The following TTLL7 variants were observed in gnomAD, a reference collection of about 807,000 sequenced individuals.
TTLL7 encodes tubulin polyglutamylase TTLL7.
Under a neutral mutation model 120.2 loss-of-function variants are expected in TTLL7, and 53 were observed. The observed-to-expected ratio is 0.44, with a 90% CI of 0.35 to 0.55. The LOEUF is 0.55. TTLL7 is among the 20% of genes least tolerant of loss of function. The pLI, the probability that TTLL7 is intolerant of heterozygous loss-of-function variation, is 0.00. For missense variants in TTLL7, 803 were observed against 1,054.7 expected (o/e 0.76, Z 3.31); for synonymous variants, 353 against 351.7 (o/e 1.00, Z -0.04).
At chr1:83,972,696 G>T (rs1451138615) in intron 1 of TTLL7, among the ~76,000 whole-genome samples, 19 of 152,092 alleles carry the variant, frequency 1.2e-4, no homozygotes, top group Non-Finnish European at 2.4e-4. Flanking sequence ...TGCCAGCAAT[G>T]AATGAGAGCT....
At chr1:83,987,214 A>G (rs1652547604) in intron 1 of TTLL7, among the ~76,000 whole-genome samples, 1 of 151,980 alleles carries the variant, frequency 6.6e-6, no homozygotes, top group Non-Finnish European at 1.5e-5. Flanking sequence ...TTACATAATT[A>G]AAATTATAAT....
chr1:83,933,605 T>C lies in TTLL7; in HGVS notation c.1047+3A>G, dbSNP rs374032449. On this transcript the variant is annotated splice_donor_region_variant and intron_variant, in intron 9 of 20. Transcript: ENST00000260505. ...TCTTCTTTTTTCTTAAAGAATGCCT[T>C]ACCTCCAGAAGCCATGGCTTTAGTT... 1 of 1,609,198 alleles carries C rather than the reference T, an allele frequency of 6.2e-7. No individual in the cohort carries two copies. The highest frequency in any genetic ancestry group is 8.5e-7 in the Non-Finnish European group (1 of 1,178,472).
chr1:83,973,790 G>C (rs1224745508), intron 1 of TTLL7, among the ~76,000 whole-genome samples: 1 of 151,934 alleles, frequency 6.6e-6, no homozygotes, highest in Non-Finnish European at 1.5e-5. Flanking sequence ...TATTCTGTAT[G>C]ACTTCATTTA....
intron 18 of TTLL7, among the ~76,000 whole-genome samples, chr1:83,893,477 T>C (rs1331118715): frequency 6.6e-6 from 1 of 152,020 alleles, no homozygotes; most frequent in African/African-American, 2.4e-5. Context: ...TCTATAATTA[T>C]GGCAACTGCC....
In TTLL7 at chr1:83,942,727, G is replaced by A. The variant is rs993001837; in HGVS notation, c.507-48C>T. 3 of 1,415,710 alleles carry A rather than the reference G, an allele frequency of 2.1e-6. No homozygotes were observed. In the Admixed American group the frequency reaches 6.2e-5, roughly 29 times the overall value. The allele number at this position is 1,415,710 out of a possible 1,614,324, so 87.7% of individuals were successfully genotyped here. A position where few individuals can be genotyped will look rare whatever the true frequency, so the allele number is the denominator to read the frequency against. On this transcript the variant is annotated intron_variant, in intron 6 of 20. Coordinates refer to ENST00000260505, the MANE Select transcript of TTLL7 (RefSeq NM_024686.6). ...AAAGAATGATTTGACATAGAGCAAG[G>A]TGTTTAAAAAGTTATAGATATACTC... is the stretch of plus-strand genomic sequence containing the variant.
chr1:83,871,274 G>A (rs1487282083), intron 20 of TTLL7, among the ~76,000 whole-genome samples: 1 of 152,022 alleles, frequency 6.6e-6, no homozygotes, highest in Non-Finnish European at 1.5e-5. Flanking sequence ...ACTTTTCAAA[G>A]CTTTGGAAAT....
intron 18 of TTLL7, 104 bp downstream of exon 18, chr1:83,903,975 G>T (rs959628203): frequency 1.1e-5 from 9 of 853,674 alleles, no homozygotes; most frequent in Non-Finnish European, 1.7e-5. Context: ...GAAGAAATGA[G>T]TAAACAAATG....
Position 83,929,160 on chromosome 1 carries a change from T to C in TTLL7, c.1118A>G (p.Asn373Ser). 6.2e-7 allele frequency: 1 copy of C among 1,612,338 alleles called. No individual in the cohort carries two copies. Among genetic ancestry groups the C allele is most frequent in the East Asian group, 2.2e-5 (1 of 44,794 alleles). Residue 373 changes from asparagine (N) to serine (S), a missense_variant, in exon 10 of 21, where the codon AAT becomes AGT. Transcript: ENST00000260505. ...DYDVKRGVLL[N>S]ALKLLNIRTS... ...CCTTATGTTTAGTAGCTTCAACGCA[T>C]TTAGCAGCACTCCCCTTTTTACATC... is the stretch of plus-strand genomic sequence containing the variant.
intron 1 of TTLL7, chr1:83,980,621 C>A (rs1019998027): frequency 2.6e-5 from 4 of 151,954 alleles, no homozygotes; most frequent in African/African-American, 9.7e-5. Context: ...ACCAGATGTC[C>A]CATGAAAGAA....
rs1202095725 is a variant in TTLL7, at chr1:83,897,130, G to A, written c.2209-6649C>T. Among the ~76,000 whole-genome samples the A allele has an allele frequency of 5.9e-5, 9 of 152,038 alleles. No individual in the cohort carries two copies. In the East Asian group the frequency reaches 9.7e-4, roughly 16 times the overall value. ...TTTAATTTCCAAGAACAGAAAAAAG[G>A]AAAGCATGTGAAAGACTCTGTGTGT... On this transcript the variant is annotated intron_variant, in intron 18 of 20. Transcript: ENST00000260505.
At chr1:83,874,834 G>A (rs962542977) in intron 20 of TTLL7, among the ~76,000 whole-genome samples, 1 of 151,858 alleles carries the variant, frequency 6.6e-6, no homozygotes, top group African/African-American at 2.4e-5. Flanking sequence ...GCCATGCATA[G>A]CTCACAGAGT....
At chr1:83,903,346 C>A (rs1445209980) in intron 18 of TTLL7, among the ~76,000 whole-genome samples, 1 of 152,044 alleles carries the variant, frequency 6.6e-6, no homozygotes, top group East Asian at 1.9e-4. Context: ...GAAACATTGT[C>A]TCTGAAGATA....
At chr1:83,985,826 T>C (rs1391397109) in intron 1 of TTLL7, among the ~76,000 whole-genome samples, 2 of 152,082 alleles carry the variant, frequency 1.3e-5, no homozygotes, top group East Asian at 3.9e-4. Flanking sequence ...CTAATCAATT[T>C]CTTAAAAAAA....
chr1:83,953,562 A>G (rs1198936947), intron 1 of TTLL7, among the ~76,000 whole-genome samples: 1 of 152,158 alleles, frequency 6.6e-6, no homozygotes, highest in African/African-American at 2.4e-5. Flanking sequence ...GTATAATTCA[A>G]TATCAAAACG....
chr1:83,892,196 T>TTA (rs1443560474), intron 18 of TTLL7, among the ~76,000 whole-genome samples: 2 of 146,682 alleles, frequency 1.4e-5, no homozygotes, highest in Non-Finnish European at 3.0e-5. Flanking sequence ...CACATAAACA[T>TTA]TATATATACA....
At chr1:83,897,305 T>C (rs1356667201) in intron 18 of TTLL7, among the ~76,000 whole-genome samples, 2 of 152,058 alleles carry the variant, frequency 1.3e-5, no homozygotes, top group African/African-American at 2.4e-5. Flanking sequence ...ATACCTTGAA[T>C]AGTGCCTGGG....
chr1:83,893,310 T>A (rs965208240), intron 18 of TTLL7, among the ~76,000 whole-genome samples: 3 of 152,024 alleles, frequency 2.0e-5, no homozygotes, highest in Non-Finnish European at 4.4e-5. Flanking sequence ...AAAAAACTGT[T>A]TTGTCTAATT....
At chr1:83,990,218 G>T (rs1467875855) in intron 1 of TTLL7, among the ~76,000 whole-genome samples, 8 of 148,298 alleles carry the variant, frequency 5.4e-5, no homozygotes, top group Non-Finnish European at 1.0e-4. Flanking sequence ...GCCCAGGCCG[G>T]ACTGCGGACT....
At chr1:83,989,814 T>C (rs930634446) in intron 1 of TTLL7, among the ~76,000 whole-genome samples, 2 of 152,180 alleles carry the variant, frequency 1.3e-5, no homozygotes, top group Admixed American at 1.3e-4. Flanking sequence ...GAGCATGGAA[T>C]GTTTTTTTCG....
Sources: allele counts gnomAD v4.1 joint callset (sites outside exome capture counted in the v4.1 genomes callset), GRCh38; gene constraint gnomAD v4.1.1; transcripts MANE v1.5; gene names NCBI Gene and HGNC (gene_info 2026-07-23, HGNC 2026-07-21).